MYBBP1A: variants seen among roughly 807,000 people sequenced by gnomAD.
MYBBP1A encodes MYB binding protein 1a.
A neutral mutation model predicts 136.3 loss-of-function variants in MYBBP1A; 147 were observed. The observed-to-expected ratio is 1.08, with a 90% CI of 0.94 to 1.24. MYBBP1A has a LOEUF of 1.24. Ranked by LOEUF, MYBBP1A falls within the 50% of genes most tolerant of loss-of-function variation. The pLI is 0.00. For synonymous variants in MYBBP1A, 947 were observed against 735.8 expected (o/e 1.29, Z -4.65); for missense variants, 2,060 against 1,727.4 (o/e 1.19, Z -3.41).
intron 13 of MYBBP1A, among the ~76,000 whole-genome samples, chr17:4,546,866 C>T (rs920970149): frequency 3.9e-5 from 6 of 152,066 alleles, no homozygotes; most frequent in African/African-American, 1.4e-4. Context: ...TCTCCGGCTC[C>T]CAGGCTGTGT....
intron 24 of MYBBP1A, among the ~76,000 whole-genome samples, 164 bp downstream of exon 24, chr17:4,541,299 T>C (rs1906399856): frequency 6.6e-6 from 1 of 152,204 alleles, no homozygotes; most frequent in Non-Finnish European, 1.5e-5. Context: ...CATGGTTTGG[T>C]AACTGCCCAA....
In MYBBP1A at chr17:4,544,486, C is replaced by T; in HGVS notation, c.2639+3G>A. 1 of 1,548,360 alleles carries T rather than the reference C, an allele frequency of 6.5e-7. No individual in the cohort carries two copies. The highest frequency in any genetic ancestry group is 1.2e-5 in the South Asian group (1 of 84,068). ...CCTGCCCGCCCTGCACCCCCGTGCT[C>T]ACGTGAAGATGCGCGCCGTCTTGTG... On this transcript the variant is annotated splice_donor_region_variant and intron_variant, in intron 19 of 25. Transcript: ENST00000254718.
Position 4,545,746 on chromosome 17 carries a change from G to A in MYBBP1A, c.1937C>T (p.Pro646Leu), listed in dbSNP as rs745603092. The change falls in exon 15 of 26, where the codon CCG (proline) becomes CTG (leucine). Residue 646 changes from proline (P) to leucine (L), a missense_variant. Pro to Leu is a moderately conservative substitution (Grantham distance 98). Transcript: ENST00000254718. ...RTKTIDPQEP[P>L]WVEVLVEILL... ...GATCTCCACCAGCACCTCTACCCAC[G>A]GGGGTTCCTGGGGGTCTGCAAGAGG... is the stretch of plus-strand genomic sequence containing the variant. 63 of 1,605,304 alleles carry A rather than the reference G, an allele frequency of 3.9e-5. No homozygotes were observed. Among genetic ancestry groups the A allele is most frequent in the Non-Finnish European group, 4.9e-5 (58 of 1,174,748 alleles).
In MYBBP1A at chr17:4,548,206, T is replaced by C. The variant is rs1387700295; in HGVS notation, c.1661A>G (p.Asn554Ser). The change falls in exon 12 of 26, where the codon AAT (asparagine) becomes AGT (serine). Residue 554 changes from asparagine (N) to serine (S), a missense_variant. Coordinates refer to ENST00000254718, the MANE Select transcript of MYBBP1A (RefSeq NM_014520.4). The surrounding 1 kb of genome is among the most constrained non-coding windows in gnomAD (Gnocchi z 4.2). ...HLVQFADLLLNHSHNVTTVTP... is the reference protein window; with the variant it reads ...HLVQFADLLLSHSHNVTTVTP... The stretch of plus-strand genomic sequence containing the variant: ...CACGGTGGTCACGTTGTGGCTGTGA[T>C]TCAACAGGAGGTCTGCGAACTGCAC... 2 of 1,608,546 alleles carry C rather than the reference T, an allele frequency of 1.2e-6. No homozygotes were observed. Among genetic ancestry groups the C allele is most frequent in the Non-Finnish European group, 1.7e-6 (2 of 1,179,964 alleles).
chr17:4,549,593 A>G, intron 9 of MYBBP1A, 151 bp from the exon 10 acceptor site: 2 of 616,052 alleles, frequency 3.2e-6, no homozygotes, highest in South Asian at 1.9e-5. Flanking sequence ...CCTGACCAAC[A>G]CGGTGAAACC....
chr17:4,540,352 C>A lies in MYBBP1A; in HGVS notation c.3430G>T (p.Val1144Phe). Residue 1144 changes from valine to phenylalanine, a missense_variant, in exon 25 of 26, where the codon GTC becomes TTC. By Grantham distance (50) the Val-to-Phe change is conservative (BLOSUM62 -1). Coordinates refer to ENST00000254718, the MANE Select transcript of MYBBP1A (RefSeq NM_014520.4). ...LYWQAMKTLG[V>F]QRPKLEKKDA... is the part of the protein sequence containing the mutation. ...TGTCCCCCTCCCAGAACCTACTGGACTCCCAGGGTTTTCATGGCCTGCCAG... is the reference window on the plus strand; with the variant it reads ...TGTCCCCCTCCCAGAACCTACTGGAATCCCAGGGTTTTCATGGCCTGCCAG... 1.2e-6 allele frequency: 2 copies of A among 1,606,194 alleles called. No homozygotes were observed. Among genetic ancestry groups the A allele is most frequent in the Admixed American group, 1.7e-5 (1 of 59,874 alleles).
In MYBBP1A at chr17:4,544,571, G is replaced by T; in HGVS notation, c.2557C>A (p.Leu853Met). Reference sequence around the variant, plus strand: ...CGCAGGCTGCGCCGGATGATGCTCAGCAGCGGCTCCAGCAGCTCCAGGACC... The same window carrying T: ...CGCAGGCTGCGCCGGATGATGCTCATCAGCGGCTCCAGCAGCTCCAGGACC... The part of the protein sequence containing the change: ...ALVLELLEPL[L>M]SIIRRSLRSS... Residue 853 changes from leucine to methionine, a missense_variant, in exon 19 of 26, where the codon CTG becomes ATG. Transcript: ENST00000254718. 1 of 1,573,502 alleles carries T rather than the reference G, an allele frequency of 6.4e-7. No individual in the cohort carries two copies. Among genetic ancestry groups the T allele is most frequent in the Non-Finnish European group, 8.6e-7 (1 of 1,160,034 alleles).
In MYBBP1A at chr17:4,541,802, G is replaced by C; in HGVS notation, c.3177C>G (p.Val1059=). ...DPEWKQLMGQ[V]LAKVTENLRV... ...CTGTTACCTCGGTGACCTTTGCTAG[G>C]ACCTGGCCCATCAGCTGCTTCCACT... The change falls in exon 23 of 26, where the codon GTC becomes GTG. Residue 1059 remains valine, a synonymous_variant. Transcript: ENST00000254718. 1 of 1,614,110 alleles carries C rather than the reference G, an allele frequency of 6.2e-7. No homozygotes were observed. The highest frequency in any genetic ancestry group is 8.5e-7 in the Non-Finnish European group (1 of 1,180,010).
chr17:4,543,235 C>T, intron 19 of MYBBP1A, 70 bp from the exon 20 acceptor site: 2 of 1,497,842 alleles, frequency 1.3e-6, no homozygotes, highest in Non-Finnish European at 8.9e-7. Context: ...GCAGAGCCAA[C>T]CCAAGTCCCA....
At chr17:4,554,989 G>A in intron 1 of MYBBP1A, 33 bp from the exon 2 acceptor site, 1 of 1,611,482 alleles carries the variant, frequency 6.2e-7, no homozygotes, top group Non-Finnish European at 8.5e-7. Context: ...GTGTTCAATG[G>A]TGACAACAAG....
rs143795715 is a variant in MYBBP1A at position 4,553,268 on chromosome 17, A to G, written c.561+542T>C. On this transcript the variant is annotated intron_variant, in intron 5 of 25. Coordinates refer to ENST00000254718, the MANE Select transcript of MYBBP1A (RefSeq NM_014520.4). ...GACTGCACAGTAAGCCCTGGCCTGG[A>G]GACCTGCTACCCCTGCCTTTCTCTT... is the stretch of plus-strand genomic sequence containing the variant. Among the ~76,000 whole-genome samples the G allele has an allele frequency of 3.2e-3, 484 of 152,320 alleles. 5 individuals are homozygous for G. The highest frequency in any genetic ancestry group is 0.011 in the African/African-American group (452 of 41,560).
chr17:4,540,587 C>T (rs890850816), intron 24 of MYBBP1A, 103 bp from the exon 25 acceptor site: 9 of 1,353,078 alleles, frequency 6.7e-6, no homozygotes, highest in Non-Finnish European at 7.8e-6. Flanking sequence ...CACCAGTGAC[C>T]CCTGCCCCTT....
Position 4,552,365 on chromosome 17 carries a change from A to AC in MYBBP1A, c.738-74dup. The AC allele has an allele frequency of 6.2e-7, 1 of 1,603,966 alleles. No homozygotes were observed. ...CCAGGGTGACAAGAGCAGCCGGGACACCCCCAGGCCAAACGACAAATCTGG... is the reference window on the plus strand; with the variant it reads ...CCAGGGTGACAAGAGCAGCCGGGACACCCCCCAGGCCAAACGACAAATCTGG... On this transcript the variant is annotated intron_variant, in intron 6 of 25. Transcript: ENST00000254718. This position sits in a 1 kb window ranked among gnomAD's most constrained non-coding sequence, Gnocchi z 4.7.
intron 19 of MYBBP1A, chr17:4,543,388 A>G: frequency 5.1e-6 from 3 of 585,470 alleles, no homozygotes; most frequent in Admixed American, 3.1e-5. Context: ...GGAGAACAGA[A>G]CAGCTCCCTG....
intron 8 of MYBBP1A, 21 bp downstream of exon 8, chr17:4,551,859 A>G (rs1907537526): frequency 6.2e-7 from 1 of 1,602,490 alleles, no homozygotes; most frequent in Non-Finnish European, 8.5e-7. Flanking sequence ...GGCAGTGTCG[A>G]GCTGCACGGG....
rs760010038 is a variant in MYBBP1A at position 4,543,060 on chromosome 17, G to A, written c.2745C>T (p.Pro915=). The change falls in exon 20 of 26, where the codon CCC becomes CCT. Residue 915 remains proline (P), a synonymous_variant. Coordinates refer to ENST00000254718, the MANE Select transcript of MYBBP1A (RefSeq NM_014520.4). ...ERLVQQAGRQ[P]DSPTALYHFN... Reference sequence around the variant, plus strand: ...AGTGGTAGAGGGCGGTGGGGGAGTCGGGCTGGCGGCCAGCCTGCTGCACCA... The same window carrying A: ...AGTGGTAGAGGGCGGTGGGGGAGTCAGGCTGGCGGCCAGCCTGCTGCACCA... The A allele has an allele frequency of 1.2e-5, 19 of 1,613,222 alleles. No homozygotes were observed. The highest frequency in any genetic ancestry group is 4.5e-5 in the East Asian group (2 of 44,886).
intron 19 of MYBBP1A, among the ~76,000 whole-genome samples, chr17:4,544,041 T>C (rs1018962917): frequency 1.3e-5 from 2 of 152,132 alleles, no homozygotes; most frequent in Admixed American, 6.5e-5. Context: ...TCTTCCTCCC[T>C]TTCTGCCCTG....
rs369842510 is a variant in MYBBP1A, at chr17:4,539,570, G to A, written c.3832C>T (p.Gln1278Ter). ...PTEPAGQKQH[Q>*]KALPKKGVLG... Reference sequence around the variant, plus strand: ...ACCCCCTTTTTGGGAAGAGCCTTCTGATGCTGCTTTTGGCCTGCAGGTTCC... The same window carrying A: ...ACCCCCTTTTTGGGAAGAGCCTTCTAATGCTGCTTTTGGCCTGCAGGTTCC... The change falls in exon 26 of 26, where the codon CAG (glutamine) becomes TAG (stop). Residue 1278 changes from glutamine to a stop codon, truncating the protein, a stop_gained. Coordinates refer to ENST00000254718, the MANE Select transcript of MYBBP1A (RefSeq NM_014520.4). LOFTEE classifies it low-confidence loss of function (END_TRUNC). 6.2e-7 allele frequency: 1 copy of A among 1,614,050 alleles called. No individual in the cohort carries two copies. Among genetic ancestry groups the A allele is most frequent in the Middle Eastern group, 1.6e-4 (1 of 6,084 alleles).
At position 4,543,152 on chromosome 17, in the gene MYBBP1A, GGCACAGGTGGTGCCT is replaced by G. The variant is rs1567605410; in HGVS notation, c.2640-2_2652del. 7 of 1,606,766 alleles carry G rather than the reference GGCACAGGTGGTGCCT, an allele frequency of 4.4e-6. No homozygotes were observed. Among genetic ancestry groups the G allele is most frequent in the Non-Finnish European group, 5.9e-6 (7 of 1,177,028 alleles). ...AAGTCGTGGCAGTAGCGCCGGGCAC[GGCACAGGTGGTGCCT>G]GTGGGTGGTGAGGACGAGAGCTGGT... On this transcript the variant is annotated splice_acceptor_variant and coding_sequence_variant, in exon 20 of 26. Transcript: ENST00000254718. LOFTEE classifies it high-confidence loss of function.
Sources: gnomAD v4.1 joint callset for allele counts (sites outside exome capture counted in the v4.1 genomes callset) on GRCh38, gnomAD v4.1.1 for gene constraint, Gnocchi (gnomAD v3.1) non-coding constraint, MANE v1.5 for transcripts, NCBI Gene and HGNC (gene_info 2026-07-23, HGNC 2026-07-21) for gene names.